PRKDC: variants seen among roughly 807,000 people sequenced by gnomAD.
PRKDC encodes protein kinase, DNA-activated, catalytic subunit.
Under a neutral mutation model 486.9 loss-of-function variants are expected in PRKDC, and 82 were observed. That is an observed-to-expected ratio of 0.17 (90% CI 0.14 to 0.20). The LOEUF (loss-of-function observed/expected upper bound fraction) is 0.20, where lower values mean the gene tolerates loss of function less well. Ranked by LOEUF, PRKDC falls within the 10% of genes least tolerant of loss-of-function variation. The pLI is 1.00. For missense variants in PRKDC, 4,504 were observed against 5,038.2 expected (o/e 0.89, Z 3.21); for synonymous variants, 1,895 against 1,837.0 (o/e 1.03, Z -0.81).
chr8:47,957,580 G>A (rs1034149148), intron 1 of PRKDC, 149 bp from the exon 2 acceptor site: 31 of 623,458 alleles, frequency 5.0e-5, no homozygotes, highest in Middle Eastern at 8.9e-4. Context: ...GCGCGATCTC[G>A]GCTCACTGCA....
At position 47,826,995 on chromosome 8, in the gene PRKDC, A is replaced by G. The variant is rs2087752558; in HGVS notation, c.8578-134T>C. The G allele has an allele frequency of 9.7e-6, 8 of 823,574 alleles. No individual in the cohort carries two copies. The South Asian group carries it at 1.7e-4, about 18-fold the overall frequency. 51.0% of individuals were successfully genotyped at this position (823,574 alleles called of 1,614,324 possible). A position where few individuals can be genotyped will look rare whatever the true frequency, so the allele number is the denominator to read the frequency against. ...ATATCACCAGAAGTTTCTCTGTGTA[A>G]TGCTATTAACACATTTTCCAACAAT... On this transcript the variant is annotated intron_variant, in intron 62 of 85. Coordinates refer to ENST00000314191, the MANE Select transcript of PRKDC (RefSeq NM_006904.7).
chr8:47,831,029 C>T (rs372133927), intron 60 of PRKDC, among the ~76,000 whole-genome samples: 2 of 152,200 alleles, frequency 1.3e-5, no homozygotes, highest in African/African-American at 4.8e-5. Flanking sequence ...AGAGCTGCAT[C>T]TCTGGAAAGT....
chr8:47,893,771 C>CT (rs1291317811), intron 30 of PRKDC, among the ~76,000 whole-genome samples: 93 of 152,296 alleles, frequency 6.1e-4, no homozygotes, highest in Non-Finnish European at 1.0e-4. Context: ...CTTAGAATAA[C>CT]GTCTACCACA....
intron 39 of PRKDC, among the ~76,000 whole-genome samples, chr8:47,878,456 T>C (rs1427027600): frequency 6.6e-6 from 1 of 152,176 alleles, no homozygotes; most frequent in Non-Finnish European, 1.5e-5. Context: ...TCTCAGGTTC[T>C]GAGAGTACAT....
Position 47,864,700 on chromosome 8 carries a change from G to A in PRKDC, c.5427C>T (p.Asp1809=). 3.7e-6 allele frequency: 6 copies of A among 1,607,292 alleles called. No individual in the cohort carries two copies. The highest frequency in any genetic ancestry group is 1.1e-5 in the South Asian group (1 of 89,626). ...ESVYEMFRKD[D]PRLSFTRQSF... is the part of the protein sequence containing the mutation. ...ACTGGCGTGTGAAACTTAGGCGGGG[G>A]TCATCCTTCCTGAACATTTCATACA... Residue 1809 remains aspartate (D), a synonymous_variant, in exon 41 of 86, where the codon GAC becomes GAT. Transcript: ENST00000314191.
At position 47,877,856 on chromosome 8, in the gene PRKDC, A is replaced by C. The variant is rs1413489834; in HGVS notation, c.5236-5T>G. Reference sequence around the variant, plus strand: ...TAATTCCAATGCATCTAGAAACTAGAAAAAATACATCAACATCATTAAAAT... The same window carrying C: ...TAATTCCAATGCATCTAGAAACTAGCAAAAATACATCAACATCATTAAAAT... On this transcript the variant is annotated splice_region_variant and splice_polypyrimidine_tract_variant and intron_variant, in intron 39 of 85. Coordinates refer to ENST00000314191, the MANE Select transcript of PRKDC (RefSeq NM_006904.7). 6.8e-7 allele frequency: 1 copy of C among 1,467,326 alleles called. No homozygotes were observed. Among genetic ancestry groups the C allele is most frequent in the Non-Finnish European group, 9.1e-7 (1 of 1,102,524 alleles). 90.9% of individuals were successfully genotyped at this position (1,467,326 alleles called of 1,614,324 possible). A position where few individuals can be genotyped will look rare whatever the true frequency, so the allele number is the denominator to read the frequency against.
Position 47,933,610 on chromosome 8 carries a change from A to G in PRKDC, c.1623+355T>C, listed in dbSNP as rs2090296307. Among the ~76,000 whole-genome samples the G allele has an allele frequency of 3.9e-5, 6 of 152,356 alleles. No homozygotes were observed. In the South Asian group the frequency reaches 1.2e-3, roughly 32 times the overall value. ...TAACTAAATATGCACACATATATAA[A>G]CGTACACATACATACATACGTACAA... On this transcript the variant is annotated intron_variant, in intron 15 of 85. Transcript: ENST00000314191.
chr8:47,887,882 G>T (rs970576840), intron 34 of PRKDC, among the ~76,000 whole-genome samples, 177 bp from the exon 35 acceptor site: 1 of 152,098 alleles, frequency 6.6e-6, no homozygotes, highest in Non-Finnish European at 1.5e-5. Context: ...GTGAGACAGG[G>T]TCTTGCTCTG....
At chr8:47,871,501 A>G (rs1352891129) in intron 40 of PRKDC, among the ~76,000 whole-genome samples, 1 of 152,260 alleles carries the variant, frequency 6.6e-6, no homozygotes, top group Non-Finnish European at 1.5e-5. Flanking sequence ...ATATCCTTCA[A>G]GCATGAAGAC....
At chr8:47,834,572 G>A (rs1050725259) in intron 58 of PRKDC, among the ~76,000 whole-genome samples, 176 bp from the exon 59 acceptor site, 2 of 152,190 alleles carry the variant, frequency 1.3e-5, no homozygotes, top group South Asian at 2.1e-4. Context: ...AGGTACGTGC[G>A]CCTCAGTGCC....
intron 22 of PRKDC, 120 bp from the exon 23 acceptor site, chr8:47,915,538 A>G (rs770836592): frequency 1.3e-4 from 79 of 599,978 alleles, no homozygotes; most frequent in Non-Finnish European, 2.1e-4. Flanking sequence ...CGCAGTTCCA[A>G]ACTTTTTGGC....
chr8:47,878,101 A>AG (rs889307531), intron 39 of PRKDC, among the ~76,000 whole-genome samples: 2 of 138,890 alleles, frequency 1.4e-5, no homozygotes, highest in African/African-American at 5.3e-5. Context: ...GTTTTTTTTT[A>AG]GGTTTTTTTT....
chr8:47,849,371 GC>G lies in PRKDC; in HGVS notation c.7130+7del. The G allele has an allele frequency of 6.2e-7, 1 of 1,613,992 alleles. No individual in the cohort carries two copies. Among genetic ancestry groups the G allele is most frequent in the African/African-American group, 1.3e-5 (1 of 75,026 alleles). On this transcript the variant is annotated splice_region_variant and intron_variant, in intron 53 of 85. Transcript: ENST00000314191. Reference sequence around the variant, plus strand: ...CCTGCCCCGAAAGGATCCCTGGACAGCCCATACCTGTCTGCAAGAGGAGGGA... The same window carrying G: ...CCTGCCCCGAAAGGATCCCTGGACAGCCATACCTGTCTGCAAGAGGAGGGA...
rs8178156 is a variant in PRKDC, at chr8:47,857,433, T to C, written c.6466-134A>G. The C allele has an allele frequency of 4.5e-4, 431 of 961,758 alleles. 2 individuals carry two copies. The African/African-American group carries it at 6.6e-3, about 15-fold the overall frequency. The allele number at this position is 961,758 out of a possible 1,614,324, so 59.6% of individuals were successfully genotyped here. On this transcript the variant is annotated intron_variant, in intron 48 of 85. Transcript: ENST00000314191. ...TAAAGCCAAAAGCGAGGTAAGCACG[T>C]TAAAGTGAAGGCATTAGTGTGGGCC...
intron 7 of PRKDC, among the ~76,000 whole-genome samples, chr8:47,948,081 T>A (rs2090564533): frequency 6.7e-6 from 1 of 149,210 alleles, no homozygotes; most frequent in Non-Finnish European, 1.5e-5. Context: ...AGACCCTGTC[T>A]CAAAAAAAAT....
Position 47,807,205 on chromosome 8 carries a change from T to A in PRKDC, c.9679A>T (p.Ile3227Phe). 1 of 1,613,970 alleles carries A rather than the reference T, an allele frequency of 6.2e-7. No individual in the cohort carries two copies. Among genetic ancestry groups the A allele is most frequent in the Non-Finnish European group, 8.5e-7 (1 of 1,179,858 alleles). ...TTGCAACTCCTGATCAGGGAGCTGA[T>A]ATCTTCTTCCTGCTCTTGCACTTCC... is the stretch of plus-strand genomic sequence containing the variant. ...RMEVQEQEED[I>F]SSLIRSCKFS... Residue 3227 changes from isoleucine (I) to phenylalanine (F), a missense_variant, in exon 69 of 86, where the codon ATC becomes TTC. This residue lies in a region of PRKDC where 1,592 missense variants were observed against 1,724.6 expected (regional missense o/e 0.92). Coordinates refer to ENST00000314191, the MANE Select transcript of PRKDC (RefSeq NM_006904.7).
intron 49 of PRKDC, among the ~76,000 whole-genome samples, chr8:47,856,821 C>T (rs1192734398): frequency 6.6e-6 from 1 of 152,230 alleles, no homozygotes; most frequent in Non-Finnish European, 1.5e-5. Context: ...GTCCTCAGAG[C>T]CTCCCATTCA....
chr8:47,862,665 G>A, intron 42 of PRKDC, 124 bp from the exon 43 acceptor site: 1 of 905,698 alleles, frequency 1.1e-6, no homozygotes, highest in Non-Finnish European at 1.6e-6. Context: ...CTTGTGCCAG[G>A]CAGAGTATTA....
At position 47,898,458 on chromosome 8, in the gene PRKDC, A is replaced by G. The variant is rs750460453; in HGVS notation, c.3464+12T>C. The stretch of plus-strand genomic sequence containing the variant: ...TGTGGGAAAAGACGGAAAAGGAAGC[A>G]AGATCACCTACCGCGGCAAACGTCG... On this transcript the variant is annotated intron_variant, in intron 29 of 85. Coordinates refer to ENST00000314191, the MANE Select transcript of PRKDC (RefSeq NM_006904.7). The G allele has an allele frequency of 1.3e-6, 2 of 1,541,020 alleles. No individual in the cohort carries two copies. Among genetic ancestry groups the G allele is most frequent in the African/African-American group, 1.4e-5 (1 of 73,210 alleles).
Sources: allele counts gnomAD v4.1 joint callset (sites outside exome capture counted in the v4.1 genomes callset), GRCh38; gene constraint gnomAD v4.1.1; regional missense constraint gnomAD v4.1.1; transcripts MANE v1.5; gene names NCBI Gene and HGNC (gene_info 2026-07-23, HGNC 2026-07-21).